TNRC6A: variants seen among roughly 807,000 people sequenced by gnomAD.
TNRC6A encodes the protein trinucleotide repeat containing adaptor 6A.
In TNRC6A, 44 loss-of-function variants were observed where a neutral mutation model predicts 221.2. The observed-to-expected ratio is 0.20, with a 90% confidence interval of 0.16 to 0.26. The LOEUF (loss-of-function observed/expected upper bound fraction) is 0.26, where lower values mean the gene tolerates loss of function less well. Among genes scored for constraint, TNRC6A ranks in the 10% least tolerant of loss-of-function variants. The pLI is 1.00. For missense variants in TNRC6A, 2,199 were observed against 2,404.4 expected (o/e 0.91, Z 1.79); for synonymous variants, 847 against 838.5 (o/e 1.01, Z -0.18).
chr16:24,708,889 C>T (rs760565273), intron 2 of TNRC6A, among the ~76,000 whole-genome samples: 13 of 152,054 alleles, frequency 8.5e-5, no homozygotes, highest in African/African-American at 1.9e-4. Context: ...TTTCTTTATC[C>T]GCTGATTGGT....
chr16:24,687,881 A>AAGAAGAAGAAGAAGC (rs1474000799), intron 2 of TNRC6A, among the ~76,000 whole-genome samples: 11 of 147,998 alleles, frequency 7.4e-5, no homozygotes, highest in East Asian at 4.0e-4. Context: ...GAAGAAGAAG[A>AAGAAGAAGAAGAAGC]AGCAGCTTAT....
chr16:24,683,645 A>AAACTGCCCG (rs1176755625), intron 2 of TNRC6A, among the ~76,000 whole-genome samples: 2 of 152,186 alleles, frequency 1.3e-5, no homozygotes, highest in Non-Finnish European at 2.9e-5. Context: ...TTCTGGAGGT[A>AAACTGCCCG]AACTGCCCGA....
At chr16:24,613,853 T>A (rs1900205172) in intron 1 of TNRC6A, among the ~76,000 whole-genome samples, 1 of 152,138 alleles carries the variant, frequency 6.6e-6, no homozygotes, top group African/African-American at 2.4e-5. Context: ...GCATTTTAAG[T>A]AGGGAAGGAG....
chr16:24,622,452 T>C (rs1213855251), intron 1 of TNRC6A, among the ~76,000 whole-genome samples: 1 of 151,696 alleles, frequency 6.6e-6, no homozygotes, highest in Non-Finnish European at 1.5e-5. Flanking sequence ...AGCACAAAAA[T>C]AAGCAGGGTG....
chr16:24,822,736 G>T, intron 23 of TNRC6A, 138 bp from the exon 24 acceptor site: 6 of 1,220,694 alleles, frequency 4.9e-6, no homozygotes, highest in Non-Finnish European at 6.8e-6. Flanking sequence ...TCAGAGCAAC[G>T]TCAGAGTGTC....
chr16:24,730,301 G>C lies in TNRC6A; in HGVS notation c.53+1G>C, dbSNP rs1210452660. ...AAGACGTAGAAAGAAATCTTAGCAGGTAAGATGGGCGAGCTTTCCGTCTCC... is the reference window on the plus strand; with the variant it reads ...AAGACGTAGAAAGAAATCTTAGCAGCTAAGATGGGCGAGCTTTCCGTCTCC... On this transcript the variant is annotated splice_donor_variant, in intron 2 of 24. Coordinates refer to ENST00000395799, the MANE Select transcript of TNRC6A (RefSeq NM_014494.4). LOFTEE classifies it high-confidence loss of function. 1 of 1,602,682 alleles carries C rather than the reference G, an allele frequency of 6.2e-7. No homozygotes were observed.
intron 4 of TNRC6A, among the ~76,000 whole-genome samples, chr16:24,760,380 A>G (rs1165095016): frequency 6.6e-6 from 1 of 152,144 alleles, no homozygotes; most frequent in Non-Finnish European, 1.5e-5. Flanking sequence ...ATCATTTCTA[A>G]ATGTAAATAA....
rs1276516599 is a variant in TNRC6A, at chr16:24,729,684, T to TCGGTGTCGGCGG, written c.-155_-154insTGTCGGCGGCGG. 1,616 of 629,904 alleles carry TCGGTGTCGGCGG rather than the reference T, an allele frequency of 2.6e-3. 11 individuals are homozygous for TCGGTGTCGGCGG. The highest frequency in any genetic ancestry group is 3.1e-3 in the Middle Eastern group (6 of 1,934). The allele number at this position is 629,904 out of a possible 1,614,324, so 39.0% of individuals were successfully genotyped here. The stretch of plus-strand genomic sequence containing the variant: ...TCTGGGGCCTGCGGCGGCGGCGGTG[T>TCGGTGTCGGCGG]CGGCGGCGGCGGCGGCGGCGGCGGC... On this transcript the variant is annotated 5_prime_UTR_variant, in exon 1 of 25. Coordinates refer to ENST00000395799, the MANE Select transcript of TNRC6A (RefSeq NM_014494.4).
intron 6 of TNRC6A, among the ~76,000 whole-genome samples, chr16:24,793,009 A>G (rs2058142623): frequency 6.6e-6 from 1 of 152,054 alleles, no homozygotes; most frequent in African/African-American, 2.4e-5. Flanking sequence ...GGCTGGTCTC[A>G]AAATCCTGAC....
At chr16:24,622,629 G>T (rs762320947) in intron 1 of TNRC6A, among the ~76,000 whole-genome samples, 11 of 152,018 alleles carry the variant, frequency 7.2e-5, no homozygotes, top group Non-Finnish European at 8.8e-5. Flanking sequence ...TTGCAAAGAG[G>T]ACAAAACAGC....
intron 3 of TNRC6A, among the ~76,000 whole-genome samples, chr16:24,755,528 T>C (rs1479631989): frequency 6.6e-6 from 1 of 152,250 alleles, no homozygotes; most frequent in East Asian, 1.9e-4. Context: ...GGTGGGTGTT[T>C]TTGCCACAGT....
At chr16:24,786,674 T>G (rs2057976959) in intron 5 of TNRC6A, among the ~76,000 whole-genome samples, 1 of 152,060 alleles carries the variant, frequency 6.6e-6, no homozygotes, top group Non-Finnish European at 1.5e-5. Context: ...TAATACTGTT[T>G]CGTTTTTGTT....
At chr16:24,782,521 GT>G (rs2057873099) in intron 5 of TNRC6A, among the ~76,000 whole-genome samples, 1 of 152,236 alleles carries the variant, frequency 6.6e-6, no homozygotes, top group African/African-American at 2.4e-5. Flanking sequence ...TATAGAACAA[GT>G]TTGCCAACCC....
At chr16:24,714,348 GC>G (rs1567380943) in intron 2 of TNRC6A, among the ~76,000 whole-genome samples, 1 of 114,564 alleles carries the variant, frequency 8.7e-6, no homozygotes, top group Non-Finnish European at 1.6e-5. Context: ...TCACTCTGTC[GC>G]CCAGGCTGGA....
intron 2 of TNRC6A, among the ~76,000 whole-genome samples, chr16:24,706,780 A>G (rs1389062076): frequency 6.6e-6 from 1 of 151,876 alleles, no homozygotes; most frequent in East Asian, 1.9e-4. Flanking sequence ...AATAGACCCA[A>G]ATACATTTGA....
chr16:24,634,464 C>A (rs1901522140), intron 1 of TNRC6A, among the ~76,000 whole-genome samples: 1 of 152,062 alleles, frequency 6.6e-6, no homozygotes, highest in Non-Finnish European at 1.5e-5. Context: ...ATTGAATATA[C>A]CAGATTCTCT....
At chr16:24,620,882 G>A (rs577360022) in intron 1 of TNRC6A, among the ~76,000 whole-genome samples, 4 of 151,658 alleles carry the variant, frequency 2.6e-5, no homozygotes, top group Non-Finnish European at 5.9e-5. Context: ...TCAAGAGATC[G>A]AGACCATCCT....
intron 2 of TNRC6A, among the ~76,000 whole-genome samples, chr16:24,656,807 A>G (rs2054922248): frequency 6.6e-6 from 1 of 152,200 alleles, no homozygotes; most frequent in African/African-American, 2.4e-5. Context: ...CCCTGTAATC[A>G]GAGGCAAAAT....
intron 1 of TNRC6A, among the ~76,000 whole-genome samples, chr16:24,628,383 G>A (rs147156527): frequency 1.3e-5 from 2 of 151,988 alleles, no homozygotes; most frequent in East Asian, 1.9e-4. Flanking sequence ...TCGCTCCATT[G>A]CACTCCAGCC....
Sources: allele counts gnomAD v4.1 joint callset (sites outside exome capture counted in the v4.1 genomes callset), GRCh38; gene constraint gnomAD v4.1.1; transcripts MANE v1.5; gene names NCBI Gene and HGNC (gene_info 2026-07-23, HGNC 2026-07-21).